The following MACROD1 variants were observed in gnomAD, a reference collection of about 807,000 sequenced individuals.
The protein encoded by MACROD1 is mono-ADP ribosylhydrolase 1.
MACROD1 carries 31 observed loss-of-function variants against 41.4 expected under a neutral mutation model. That is an observed-to-expected ratio of 0.75 (90% confidence interval 0.56 to 1.01). The LOEUF (loss-of-function observed/expected upper bound fraction) is 1.01, where lower values mean the gene tolerates loss of function less well. Among genes scored for constraint, MACROD1 ranks in the 50% least tolerant of loss-of-function variants. MACROD1 has a pLI of 0.00. For synonymous variants in MACROD1, 252 were observed against 203.4 expected (o/e 1.24, Z -2.03); for missense variants, 473 against 460.0 (o/e 1.03, Z -0.26).
intron 3 of MACROD1, among the ~76,000 whole-genome samples, chr11:64,139,235 T>C (rs1215633651): frequency 6.6e-6 from 1 of 152,192 alleles, no homozygotes; most frequent in Non-Finnish European, 1.5e-5. Flanking sequence ...ATGCTCTCCA[T>C]GCTCCTGCAT....
At chr11:64,095,003 G>A (rs767120092) in intron 3 of MACROD1, among the ~76,000 whole-genome samples, 4 of 152,298 alleles carry the variant, frequency 2.6e-5, no homozygotes, top group East Asian at 1.9e-4. Flanking sequence ...AAAGAGCCTC[G>A]TTATTAACAA....
At chr11:64,117,324 C>T (rs144673578) in intron 3 of MACROD1, 146 of 1,613,968 alleles carry the variant, frequency 9.0e-5, no homozygotes, top group South Asian at 4.4e-4. Context: ...GGTCAACGTG[C>T]GGGGCCTCAT....
At chr11:64,140,076 C>G (rs1426036440) in intron 3 of MACROD1, among the ~76,000 whole-genome samples, 1 of 152,204 alleles carries the variant, frequency 6.6e-6, no homozygotes, top group Admixed American at 6.5e-5. Flanking sequence ...AGCTGGCCAA[C>G]CAAGCATGCC....
chr11:64,149,832 G>A (rs1029071743), intron 3 of MACROD1, among the ~76,000 whole-genome samples: 1 of 152,230 alleles, frequency 6.6e-6, no homozygotes, highest in Non-Finnish European at 1.5e-5. Context: ...CAGCAAGAAC[G>A]CCCTTCTCCC....
At chr11:64,035,427 G>A (rs1943354735) in intron 3 of MACROD1, among the ~76,000 whole-genome samples, 2 of 152,114 alleles carry the variant, frequency 1.3e-5, no homozygotes, top group African/African-American at 2.4e-5. Flanking sequence ...ATGGCTGGAG[G>A]GATGGTTGAA....
chr11:64,101,667 A>C (rs1489068603), intron 3 of MACROD1, among the ~76,000 whole-genome samples: 1 of 152,198 alleles, frequency 6.6e-6, no homozygotes, highest in Non-Finnish European at 1.5e-5. Flanking sequence ...TGGTAATAGC[A>C]ATAAGGGCTC....
intron 3 of MACROD1, among the ~76,000 whole-genome samples, chr11:64,023,746 C>G (rs1025209717): frequency 3.9e-5 from 6 of 152,174 alleles, no homozygotes; most frequent in Admixed American, 1.3e-4. Flanking sequence ...GCCTCCTTCA[C>G]TCCCACACAC....
chr11:64,079,397 CG>C (rs1412599791), intron 3 of MACROD1, among the ~76,000 whole-genome samples: 1 of 138,570 alleles, frequency 7.2e-6, no homozygotes, highest in Non-Finnish European at 1.6e-5. Context: ...GGAAGGGGGT[CG>C]TTGGGGATGG....
intron 3 of MACROD1, among the ~76,000 whole-genome samples, chr11:64,149,623 G>C (rs894803847): frequency 6.6e-6 from 1 of 152,224 alleles, no homozygotes; most frequent in Non-Finnish European, 1.5e-5. Flanking sequence ...ACCAACCCAA[G>C]GGGGACAGAG....
At position 64,096,948 on chromosome 11, in the gene MACROD1, T is replaced by C. The variant is rs556216872; in HGVS notation, c.517+54291A>G. 7.9e-5 allele frequency among the ~76,000 whole-genome samples: 12 copies of C among 152,228 alleles called. No individual in the cohort carries two copies. The South Asian group carries it at 2.3e-3, about 29-fold the overall frequency. Reference sequence around the variant, plus strand: ...CCTTGCTGGTCCCCCGCTCACCCACTCTCTCAGCGTCTGGGCCCGGGAGTT... The same window carrying C: ...CCTTGCTGGTCCCCCGCTCACCCACCCTCTCAGCGTCTGGGCCCGGGAGTT... On this transcript the variant is annotated intron_variant, in intron 3 of 10. Transcript: ENST00000255681. This position sits in a 1 kb window ranked among gnomAD's most constrained non-coding sequence, Gnocchi z 4.6.
Position 64,000,312 on chromosome 11 carries a change from G to T in MACROD1, c.579C>A (p.Pro193=). The change falls in exon 5 of 11, where the codon CCC becomes CCA. Residue 193 remains proline (P), a synonymous_variant. Transcript: ENST00000255681. ...GGGTCCGGCACTCGTCGGTAAGCAG[G>T]GGGCCGGCGGCCCGATGAATGCAGC... The part of the protein sequence containing the change: ...VDGCIHRAAG[P]LLTDECRTLQ... 1 of 1,592,434 alleles carries T rather than the reference G, an allele frequency of 6.3e-7. No homozygotes were observed.
Position 64,067,501 on chromosome 11 carries a change from G to A in MACROD1, c.518-52220C>T, listed in dbSNP as rs1319054086. On this transcript the variant is annotated intron_variant, in intron 3 of 10. Coordinates refer to ENST00000255681, the MANE Select transcript of MACROD1 (RefSeq NM_014067.4). The surrounding 1 kb of genome is among the most constrained non-coding windows in gnomAD (Gnocchi z 4.6). ...AAGGGAGGAGATAGGTCGGGGACGG[G>A]GACAGACGGCACCTCCCCAACTCCC... 2.0e-5 allele frequency among the ~76,000 whole-genome samples: 3 copies of A among 152,044 alleles called. No individual in the cohort carries two copies. Among genetic ancestry groups the A allele is most frequent in the Non-Finnish European group, 2.9e-5 (2 of 67,992 alleles).
intron 3 of MACROD1, among the ~76,000 whole-genome samples, chr11:64,091,460 T>G (rs1590894641): frequency 2.2e-5 from 1 of 45,264 alleles, no homozygotes; most frequent in Non-Finnish European, 4.3e-5. Context: ...GCCAGGGAGG[T>G]GGATGTGGGG....
At chr11:64,044,505 T>C (rs1943548126) in intron 3 of MACROD1, among the ~76,000 whole-genome samples, 1 of 152,120 alleles carries the variant, frequency 6.6e-6, no homozygotes, top group Non-Finnish European at 1.5e-5. Context: ...CGCCTTGGCC[T>C]CCTGATTACA....
Position 64,077,644 on chromosome 11 carries a change from CAGAGGCACATGCTG to C in MACROD1, c.518-62377_518-62364del, listed in dbSNP as rs576630817. On this transcript the variant is annotated intron_variant, in intron 3 of 10. Coordinates refer to ENST00000255681, the MANE Select transcript of MACROD1 (RefSeq NM_014067.4). ...CGAACAGAACTCATAGATGGACGCT[CAGAGGCACATGCTG>C]GCACACCCCCACCTGCCGTGCCCCC... 9.2e-5 allele frequency among the ~76,000 whole-genome samples: 14 copies of C among 152,254 alleles called. No homozygotes were observed. In the South Asian group the frequency reaches 2.9e-3, roughly 32 times the overall value.
intron 3 of MACROD1, among the ~76,000 whole-genome samples, chr11:64,092,909 C>T (rs1005170205): frequency 1.3e-5 from 2 of 152,232 alleles, no homozygotes; most frequent in Non-Finnish European, 2.9e-5. Context: ...GCATCTTTGC[C>T]GCAGGACTTC....
intron 3 of MACROD1, among the ~76,000 whole-genome samples, chr11:64,108,761 T>C (rs76613471): frequency 0.04 from 6,085 of 152,164 alleles, 159 homozygotes; most frequent in Non-Finnish European, 0.062. Context: ...GGGAGACACA[T>C]GAATTATTGC....
At position 63,998,856 on chromosome 11, in the gene MACROD1, G is replaced by T. The variant is rs368539452; in HGVS notation, c.*12C>A. On this transcript the variant is annotated 3_prime_UTR_variant, in exon 10 of 11. Transcript: ENST00000255681. Reference sequence around the variant, plus strand: ...TGCTTACCAGTCCCGGTCAGGGTGGGCTGCGGGAGCCTCAGGCTGGAAGGC... The same window carrying T: ...TGCTTACCAGTCCCGGTCAGGGTGGTCTGCGGGAGCCTCAGGCTGGAAGGC... 1.9e-6 allele frequency: 3 copies of T among 1,589,978 alleles called. No homozygotes were observed. The highest frequency in any genetic ancestry group is 2.6e-6 in the Non-Finnish European group (3 of 1,170,168).
At chr11:64,015,117 G>A (rs574530290) in intron 4 of MACROD1, 135 bp downstream of exon 4, 2 of 958,506 alleles carry the variant, frequency 2.1e-6, no homozygotes, top group South Asian at 2.4e-5. Context: ...CTCTGGGGAA[G>A]GGAGGCACCC....
Sources: allele counts gnomAD v4.1 joint callset (sites outside exome capture counted in the v4.1 genomes callset), GRCh38; gene constraint gnomAD v4.1.1; non-coding constraint Gnocchi (gnomAD v3.1); transcripts MANE v1.5; gene names NCBI Gene and HGNC (gene_info 2026-07-23, HGNC 2026-07-21).